The following CPVL variants were observed in gnomAD, a reference collection of about 807,000 sequenced individuals.
CPVL encodes carboxypeptidase vitellogenic like.
A neutral mutation model predicts 63.7 loss-of-function variants in CPVL; 51 were observed. The ratio of observed to expected loss-of-function variants is 0.80; its 90% confidence interval spans 0.64 to 1.01. CPVL has a LOEUF of 1.01. CPVL is among the 50% of genes least tolerant of loss of function. CPVL has a pLI of 0.00. For synonymous variants in CPVL, 195 were observed against 206.0 expected, an observed-to-expected ratio of 0.95 and a Z score of 0.46; for missense variants, 530 against 573.1, an observed-to-expected ratio of 0.92 and a Z score of 0.77.
intron 11 of CPVL, among the ~76,000 whole-genome samples, chr7:29,046,245 C>T (rs935642364): frequency 1.6e-4 from 24 of 152,072 alleles, no homozygotes; most frequent in African/African-American, 5.5e-4. Context: ...CCACCACACC[C>T]GGCTAATTTT....
chr7:29,131,216 T>A (rs1362805109), intron 1 of CPVL, among the ~76,000 whole-genome samples: 1 of 152,164 alleles, frequency 6.6e-6, no homozygotes, highest in Non-Finnish European at 1.5e-5. Flanking sequence ...AATTGCCTCC[T>A]TTCTATTGCC....
In CPVL at chr7:29,190,794, A is replaced by G. The variant is rs562856352; in HGVS notation, c.-447-4247T>C. 5.9e-4 allele frequency among the ~76,000 whole-genome samples: 90 copies of G among 152,220 alleles called. 1 individual carries two copies. The highest frequency in any genetic ancestry group is 1.0e-3 in the Non-Finnish European group (71 of 68,048). ...TAACGTGGAAAGGAACTGGCATACA[A>G]GAGAACCATTTACAGATGTCCTTAA... On this transcript the variant is annotated intron_variant, in intron 1 of 16. Coordinates refer to the CPVL transcript ENST00000409850.
At chr7:29,163,945 CT>C (rs1293923888) in intron 5 of CPVL, among the ~76,000 whole-genome samples, 1 of 152,184 alleles carries the variant, frequency 6.6e-6, no homozygotes, top group Non-Finnish European at 1.5e-5. Context: ...TTGTTCCCAG[CT>C]TTTGACTATT....
chr7:29,146,151 G>GT (rs1792592173), intron 1 of CPVL: 1 of 157,072 alleles, frequency 6.4e-6, no homozygotes, highest in African/African-American at 2.4e-5. Flanking sequence ...AGTAGGAGAC[G>GT]GCTTCTAGCC....
At chr7:29,027,341 G>T (rs182684647) in intron 12 of CPVL, among the ~76,000 whole-genome samples, 8 of 151,894 alleles carry the variant, frequency 5.3e-5, no homozygotes, top group African/African-American at 1.9e-4. Flanking sequence ...ATACCATAAC[G>T]TAATAAAGGC....
intron 11 of CPVL, among the ~76,000 whole-genome samples, chr7:29,046,383 C>T (rs996771574): frequency 1.1e-4 from 16 of 152,112 alleles, no homozygotes; most frequent in African/African-American, 3.9e-4. Context: ...CGCGCCCGAC[C>T]AGGTAAACTT....
intron 11 of CPVL, among the ~76,000 whole-genome samples, chr7:29,046,682 G>A (rs546760620): frequency 6.6e-6 from 1 of 152,084 alleles, no homozygotes; most frequent in African/African-American, 2.4e-5. Context: ...AAAGGGGGTT[G>A]AAAACATTTT....
intron 5 of CPVL, among the ~76,000 whole-genome samples, chr7:29,093,160 C>T (rs554030959): frequency 3.9e-5 from 6 of 151,900 alleles, no homozygotes; most frequent in Admixed American, 6.6e-5. Context: ...CTGAGGCGGG[C>T]GGAACACCTG....
At chr7:29,105,042 T>C (rs1787587214) in intron 3 of CPVL, among the ~76,000 whole-genome samples, 1 of 152,170 alleles carries the variant, frequency 6.6e-6, no homozygotes, top group Admixed American at 6.5e-5. Context: ...AAAGAGAAGA[T>C]AAATAGAGTC....
intron 12 of CPVL, among the ~76,000 whole-genome samples, chr7:29,002,650 T>C (rs1784753944): frequency 6.6e-6 from 1 of 152,012 alleles, no homozygotes; most frequent in Non-Finnish European, 1.5e-5. Flanking sequence ...ATGTTAGGTA[T>C]AGAAAAATAA....
upstream of CPVL, among the ~76,000 whole-genome samples, chr7:29,149,189 C>CTTT (rs60520174): frequency 0.026 from 2,578 of 100,240 alleles, 103 homozygotes; most frequent in African/African-American, 0.038. Flanking sequence ...GTCTGTTTCC[C>CTTT]TTTTTTTTTT....
intron 12 of CPVL, among the ~76,000 whole-genome samples, chr7:28,999,665 C>T (rs1784418575): frequency 6.6e-6 from 1 of 152,120 alleles, no homozygotes; most frequent in African/African-American, 2.4e-5. Context: ...CTCTCAGTGA[C>T]CTACCTGACC....
intron 1 of CPVL, among the ~76,000 whole-genome samples, chr7:29,137,223 G>A (rs183101462): frequency 6.6e-6 from 1 of 152,170 alleles, no homozygotes; most frequent in Non-Finnish European, 1.5e-5. Context: ...AGGTTTAGTA[G>A]GCAAAAGAAA....
chr7:29,065,961 G>A (rs950212084), intron 10 of CPVL, 62 bp downstream of exon 10: 14 of 914,176 alleles, frequency 1.5e-5, no homozygotes, highest in Non-Finnish European at 2.4e-5. Flanking sequence ...CCAAATCAAA[G>A]GAAGTTCGGT....
At chr7:29,190,859 C>A (rs1011095882) in intron 1 of CPVL, among the ~76,000 whole-genome samples, 13 of 152,058 alleles carry the variant, frequency 8.5e-5, no homozygotes, top group African/African-American at 3.1e-4. Flanking sequence ...TGAACAACAT[C>A]CACTGAGCAC....
In CPVL at chr7:29,072,330, T is replaced by C. The variant is rs139155822; in HGVS notation, c.703A>G (p.Ile235Val). The change falls in exon 8 of 13, where the codon ATT becomes GTT. Residue 235 changes from isoleucine (I) to valine (V), a missense_variant. Physicochemically the swap from Ile to Val is conservative, Grantham distance 29 (BLOSUM62 3). Transcript: ENST00000265394. ...TCGGGATCAGAATATCCATCTCCAA[T>C]AGCAATTCCGTTCAGGTTGATCTTC... ...EVKINLNGIA[I>V]GDGYSDPESI... 1.4e-5 allele frequency: 23 copies of C among 1,613,934 alleles called. No homozygotes were observed. The East Asian group carries it at 2.5e-4, about 17-fold the overall frequency.
rs750301711 is a variant in CPVL, at chr7:29,112,782, G to T, written c.210C>A (p.Asn70Lys). The T allele has an allele frequency of 6.2e-7, 1 of 1,613,732 alleles. No homozygotes were observed. The highest frequency in any genetic ancestry group is 1.7e-5 in the Admixed American group (1 of 59,986). ...TGAGGAAGCCGGCATAACTCTTCAT[G>T]TTCAGTCCTGGGAAAGGGCCGACCA... Reference protein sequence around the residue: ...LSLVGPFPGLNMKSYAGFLTV... With the variant: ...LSLVGPFPGLKMKSYAGFLTV... Residue 70 changes from asparagine to lysine, a missense_variant, in exon 3 of 13, where the codon AAC becomes AAA. By Grantham distance (94) the Asn-to-Lys change is moderately conservative. Transcript: ENST00000265394.
chr7:29,083,113 A>T (rs978190397), intron 7 of CPVL, among the ~76,000 whole-genome samples: 1 of 152,236 alleles, frequency 6.6e-6, no homozygotes, highest in Admixed American at 6.5e-5. Flanking sequence ...GTAGTATGCT[A>T]ATCAGTCAGA....
chr7:29,108,333 A>C (rs1402443203), intron 3 of CPVL, among the ~76,000 whole-genome samples: 2 of 152,350 alleles, frequency 1.3e-5, no homozygotes, highest in South Asian at 4.1e-4. Context: ...TACATCTATA[A>C]GGCAAAGTCC....
Sources: allele counts gnomAD v4.1 joint callset (sites outside exome capture counted in the v4.1 genomes callset), GRCh38; gene constraint gnomAD v4.1.1; transcripts MANE v1.5; gene names NCBI Gene and HGNC (gene_info 2026-07-23, HGNC 2026-07-21).